The following BBX variants were observed in gnomAD, a reference collection of about 807,000 sequenced individuals.
BBX encodes the protein BBX high mobility group box domain containing, also known as HMG box transcription factor BBX.
A neutral mutation model predicts 100.2 loss-of-function variants in BBX; 30 were observed. The observed-to-expected ratio is 0.30, with a 90% CI of 0.22 to 0.41. BBX has a LOEUF of 0.41. Ranked by LOEUF, BBX falls within the 10% of genes least tolerant of loss-of-function variation. BBX has a pLI of 1.00. For missense variants in BBX, 1,023 were observed against 1,129.8 expected, an observed-to-expected ratio of 0.91 and a Z score of 1.35; for synonymous variants, 376 against 388.1, an observed-to-expected ratio of 0.97 and a Z score of 0.37.
chr3:107,778,135 A>G (rs1426610577), intron 12 of BBX, among the ~76,000 whole-genome samples: 1 of 152,172 alleles, frequency 6.6e-6, no homozygotes, highest in Non-Finnish European at 1.5e-5. Flanking sequence ...AATATTATAA[A>G]TGATGTTTCT....
chr3:107,672,762 A>G (rs1400419228), intron 3 of BBX, among the ~76,000 whole-genome samples: 2 of 152,092 alleles, frequency 1.3e-5, no homozygotes, highest in Non-Finnish European at 2.9e-5. Context: ...TGCTCACTAC[A>G]TTCACTTTGA....
intron 2 of BBX, among the ~76,000 whole-genome samples, chr3:107,607,055 T>C (rs147705076): frequency 5.1e-4 from 77 of 152,304 alleles, no homozygotes; most frequent in African/African-American, 1.8e-3. Context: ...CTTATTAACT[T>C]AATGACCTCC....
chr3:107,568,062 G>A (rs899467372), intron 2 of BBX, among the ~76,000 whole-genome samples: 1 of 151,274 alleles, frequency 6.6e-6, no homozygotes, highest in Non-Finnish European at 1.5e-5. Context: ...TTAAAAGGAA[G>A]TTTGGTGCTT....
intron 4 of BBX, chr3:107,711,445 G>A: frequency 2.5e-6 from 1 of 392,620 alleles, no homozygotes; most frequent in Non-Finnish European, 5.2e-6. Context: ...TTATAAACAT[G>A]TTTTTAATAT....
At chr3:107,769,190 A>ATAGT (rs2066656578) in intron 10 of BBX, among the ~76,000 whole-genome samples, 1 of 106,764 alleles carries the variant, frequency 9.4e-6, no homozygotes, top group African/African-American at 3.2e-5. Flanking sequence ...AGATAGATAG[A>ATAGT]TAGATAGATA....
chr3:107,533,350 A>T (rs2048289149), intron 2 of BBX, among the ~76,000 whole-genome samples: 1 of 152,234 alleles, frequency 6.6e-6, no homozygotes, highest in Non-Finnish European at 1.5e-5. Flanking sequence ...GCTAACTTTG[A>T]TCACTGATCA....
At chr3:107,653,268 T>A (rs1251818896) in intron 3 of BBX, among the ~76,000 whole-genome samples, 1 of 152,218 alleles carries the variant, frequency 6.6e-6, no homozygotes, top group Non-Finnish European at 1.5e-5. Flanking sequence ...TAGCTTACAT[T>A]GAATCAGCAG....
chr3:107,765,825 G>A (rs115884606), intron 10 of BBX, among the ~76,000 whole-genome samples: 2,595 of 152,206 alleles, frequency 0.017, 66 homozygotes, highest in African/African-American at 0.059. Context: ...AGAGTGATGC[G>A]TCTTATAAAT....
At position 107,809,674 on chromosome 3, in the gene BBX, T is replaced by C. The variant is rs754248805; in HGVS notation, c.*4217T>C. 2 of 152,248 alleles carry C rather than the reference T, an allele frequency of 1.3e-5. No homozygotes were observed. The highest frequency in any genetic ancestry group is 6.5e-5 in the Admixed American group (1 of 15,280). The allele number at this position is 152,248 out of a possible 1,614,324, so 9.4% of individuals were successfully genotyped here. Reference sequence around the variant, plus strand: ...TCCTCCAGAGAGAACAATGTATTGCTGAAAATGGGCAGTAGAAGCAAATGC... The same window carrying C: ...TCCTCCAGAGAGAACAATGTATTGCCGAAAATGGGCAGTAGAAGCAAATGC... On this transcript the variant is annotated 3_prime_UTR_variant, in exon 18 of 18. Transcript: ENST00000325805.
At position 107,638,858 on chromosome 3, in the gene BBX, A is replaced by T. The variant is rs1420024875; in HGVS notation, c.-83-6978A>T. On this transcript the variant is annotated intron_variant, in intron 2 of 17. Coordinates refer to ENST00000325805, the MANE Select transcript of BBX (RefSeq NM_001142568.3). ...AGACAAATTAGCCAGGTCTGGTGGCATGTGCCTACAGTCCCAGCTACTCAG... is the reference window on the plus strand; with the variant it reads ...AGACAAATTAGCCAGGTCTGGTGGCTTGTGCCTACAGTCCCAGCTACTCAG... Among the ~76,000 whole-genome samples, 6 of 145,754 alleles carry T rather than the reference A, an allele frequency of 4.1e-5. No homozygotes were observed. The East Asian group carries it at 9.8e-4, about 24-fold the overall frequency.
At chr3:107,760,106 T>C (rs2065780082) in intron 10 of BBX, among the ~76,000 whole-genome samples, 1 of 152,228 alleles carries the variant, frequency 6.6e-6, no homozygotes, top group Admixed American at 6.5e-5. Context: ...AGAAGTTATA[T>C]AACTTGTTTA....
At chr3:107,673,583 C>T (rs572788130) in intron 3 of BBX, among the ~76,000 whole-genome samples, 2 of 152,182 alleles carry the variant, frequency 1.3e-5, no homozygotes, top group South Asian at 4.1e-4. Flanking sequence ...TTCTAAGACT[C>T]TCAAAGAATG....
chr3:107,590,691 T>C (rs1209388453), intron 2 of BBX, among the ~76,000 whole-genome samples: 1 of 152,246 alleles, frequency 6.6e-6, no homozygotes, highest in African/African-American at 2.4e-5. Context: ...ACTTTAAAGT[T>C]TGAGTACCAT....
At chr3:107,778,286 T>C in intron 12 of BBX, 85 bp from the exon 13 acceptor site, 4 of 1,517,658 alleles carry the variant, frequency 2.6e-6, no homozygotes, top group Non-Finnish European at 3.6e-6. Context: ...TGTTTTCAAA[T>C]AGAATATCCT....
At chr3:107,804,305 A>G (rs1009997669) in intron 17 of BBX, among the ~76,000 whole-genome samples, 2 of 152,210 alleles carry the variant, frequency 1.3e-5, no homozygotes, top group East Asian at 1.9e-4. Flanking sequence ...CTTTTGTTCT[A>G]TGTACTCTGA....
intron 9 of BBX, among the ~76,000 whole-genome samples, chr3:107,752,893 C>T (rs147438266): frequency 6.6e-6 from 1 of 152,296 alleles, no homozygotes; most frequent in African/African-American, 2.4e-5. Flanking sequence ...CAGATGTTAA[C>T]TATATTGTTC....
At chr3:107,782,830 A>T (rs531737803) in intron 13 of BBX, among the ~76,000 whole-genome samples, 2 of 151,560 alleles carry the variant, frequency 1.3e-5, no homozygotes, top group African/African-American at 4.9e-5. Flanking sequence ...GCAATGAGTG[A>T]TTTTTTTTTC....
In BBX at chr3:107,540,944, G is replaced by A. The variant is rs1284237942; in HGVS notation, c.-84+14546G>A. Among the ~76,000 whole-genome samples, 5 of 151,936 alleles carry A rather than the reference G, an allele frequency of 3.3e-5. No homozygotes were observed. The East Asian group carries it at 9.7e-4, about 29-fold the overall frequency. On this transcript the variant is annotated intron_variant, in intron 2 of 17. Transcript: ENST00000325805. ...GATGGTTAAAAATTCTTATTTTATG[G>A]TCATAAAATAAATCTGTCATGCATA...
At chr3:107,612,855 G>A (rs1247007227) in intron 2 of BBX, among the ~76,000 whole-genome samples, 1 of 152,206 alleles carries the variant, frequency 6.6e-6, no homozygotes, top group Non-Finnish European at 1.5e-5. Context: ...CAGGCCCTGG[G>A]TGGGTCCAGA....
Sources: allele counts gnomAD v4.1 joint callset (sites outside exome capture counted in the v4.1 genomes callset), GRCh38; gene constraint gnomAD v4.1.1; transcripts MANE v1.5; gene names NCBI Gene and HGNC (gene_info 2026-07-23, HGNC 2026-07-21).